GFPT2: variants seen among roughly 807,000 people sequenced by gnomAD.
The protein encoded by GFPT2 is glutamine--fructose-6-phosphate transaminase 2, also known as glutamine--fructose-6-phosphate aminotransferase [isomerizing] 2.
In GFPT2, 62 loss-of-function variants were observed where a neutral mutation model predicts 85.6. The observed-to-expected ratio is 0.72, with a 90% CI of 0.59 to 0.90. The LOEUF is 0.90. Among genes scored for constraint, GFPT2 ranks in the 40% least tolerant of loss-of-function variants. GFPT2 has a pLI of 0.00. For missense variants in GFPT2, 788 were observed against 893.4 expected, an observed-to-expected ratio of 0.88 and a Z score of 1.50; for synonymous variants, 368 against 344.5, an observed-to-expected ratio of 1.07 and a Z score of -0.75.
intron 12 of GFPT2, 120 bp downstream of exon 12, chr5:180,316,644 T>A: frequency 1.0e-5 from 9 of 902,124 alleles, no homozygotes; most frequent in Non-Finnish European, 1.4e-5. Context: ...TCACGCTAGC[T>A]CATGGGAATG....
chr5:180,304,913 G>A lies in GFPT2; in HGVS notation c.1701C>T (p.His567=). ...GCTCCCCAGCCAGGATGCCTTCTGA[G>A]TGCATGTAGGTTATCTCTTTAATTT... ...ALKIKEITYM[H]SEGILAGELK... The change falls in exon 17 of 19, where the codon CAC becomes CAT. Residue 567 remains histidine (H), a synonymous_variant. Coordinates refer to ENST00000253778, the MANE Select transcript of GFPT2 (RefSeq NM_005110.4). 5 of 1,612,076 alleles carry A rather than the reference G, an allele frequency of 3.1e-6. No homozygotes were observed. The highest frequency in any genetic ancestry group is 1.3e-5 in the African/African-American group (1 of 75,018).
At chr5:180,353,028 G>A (rs1764747707) in intron 1 of GFPT2, 183 bp downstream of exon 1, 1 of 422,486 alleles carries the variant, frequency 2.4e-6, no homozygotes, top group African/African-American at 2.1e-5. Context: ...ACGGCCACTC[G>A]GGGAACGCGG....
chr5:180,304,792 G>T lies in GFPT2; in HGVS notation c.1822C>A (p.Gln608Lys), dbSNP rs969567349. The T allele has an allele frequency of 1.2e-6, 2 of 1,613,514 alleles. No homozygotes were observed. The highest frequency in any genetic ancestry group is 1.7e-6 in the Non-Finnish European group (2 of 1,179,784). Residue 608 changes from glutamine to lysine, a missense_variant, in exon 17 of 19, where the codon CAG (glutamine) becomes AAG (lysine). By Grantham distance (53) the Gln-to-Lys change is moderately conservative. Transcript: ENST00000253778. ...PCFAKCQNAL[Q>K]QVTARQGRPI... ...CTCACCTGGCGGGCCGTGACTTGCT[G>T]CAGGGCGTTCTGGCATTTGGCGAAG...
intron 14 of GFPT2, among the ~76,000 whole-genome samples, chr5:180,313,366 C>G (rs113096165): frequency 1.1e-3 from 167 of 150,538 alleles, no homozygotes; most frequent in South Asian, 4.4e-3. Context: ...CCGAGGCGGG[C>G]GGATCACGAG....
chr5:180,338,612 G>GA lies in GFPT2; in HGVS notation c.8-13dup, dbSNP rs747961933. The GA allele has an allele frequency of 6.9e-6, 10 of 1,459,458 alleles. No homozygotes were observed. The highest frequency in any genetic ancestry group is 9.6e-6 in the Non-Finnish European group (10 of 1,044,742). 90.4% of individuals were successfully genotyped at this position (1,459,458 alleles called of 1,614,324 possible). A position where few individuals can be genotyped will look rare whatever the true frequency, so the allele number is the denominator to read the frequency against. ...GTAGGCAAAGATTCCTGTTCAAAGAGAAAAAAATGGTGCATTCATAAAATA... is the reference window on the plus strand; with the variant it reads ...GTAGGCAAAGATTCCTGTTCAAAGAGAAAAAAAATGGTGCATTCATAAAATA... On this transcript the variant is annotated splice_polypyrimidine_tract_variant and intron_variant, in intron 1 of 18. Transcript: ENST00000253778.
At chr5:180,337,743 C>T (rs972932465) in intron 2 of GFPT2, among the ~76,000 whole-genome samples, 4 of 152,016 alleles carry the variant, frequency 2.6e-5, no homozygotes, top group Non-Finnish European at 5.9e-5. Flanking sequence ...GGCACGTGTG[C>T]CCCCATGAAA....
intron 15 of GFPT2, 108 bp from the exon 16 acceptor site, chr5:180,307,411 T>G (rs1763803798): frequency 9.6e-7 from 1 of 1,045,170 alleles, no homozygotes. Context: ...ACCGCATCAC[T>G]TAGCACACTT....
chr5:180,302,581 G>A lies in GFPT2; in HGVS notation c.1846C>T (p.Arg616Cys), dbSNP rs750327820. The change falls in exon 18 of 19, where the codon CGC becomes TGC. Residue 616 changes from arginine (R) to cysteine (C), a missense_variant. Arg to Cys is a radical substitution (Grantham distance 180, BLOSUM62 -3). Transcript: ENST00000253778. ...TCCTTGGAGCACAGTATAATGGGGC[G>A]ACCCTAGAGCAGAGAAATAGCATCA... ...ALQQVTARQG[R>C]PIILCSKDDT... 3.7e-6 allele frequency: 6 copies of A among 1,611,532 alleles called. No individual in the cohort carries two copies. The highest frequency in any genetic ancestry group is 2.7e-5 in the African/African-American group (2 of 74,864).
intron 2 of GFPT2, among the ~76,000 whole-genome samples, chr5:180,337,764 C>T (rs985530625): frequency 1.3e-5 from 2 of 152,106 alleles, no homozygotes; most frequent in South Asian, 2.1e-4. Flanking sequence ...CCACCACTGC[C>T]GTCTATGCCA....
chr5:180,319,032 A>G, intron 9 of GFPT2, 76 bp from the exon 10 acceptor site: 1 of 1,415,226 alleles, frequency 7.1e-7, no homozygotes. Context: ...GCTGGTTCCC[A>G]AGCGTGGAGG....
intron 1 of GFPT2, among the ~76,000 whole-genome samples, chr5:180,344,409 G>C (rs149147445): frequency 2.4e-4 from 37 of 152,262 alleles, no homozygotes; most frequent in Admixed American, 2.3e-3. Context: ...GTGGTGATGA[G>C]TACATCACCA....
chr5:180,308,873 C>CT (rs35259770), intron 15 of GFPT2, among the ~76,000 whole-genome samples: 25,989 of 143,860 alleles, frequency 0.18, 2,501 homozygotes, highest in East Asian at 0.39. Context: ...TCAGAGAAGA[C>CT]TTTTTTTTTT....
At chr5:180,307,919 T>C (rs1183876881) in intron 15 of GFPT2, among the ~76,000 whole-genome samples, 66 of 152,188 alleles carry the variant, frequency 4.3e-4, no homozygotes, top group Admixed American at 4.3e-3. Flanking sequence ...GAGACCATCC[T>C]GGCTAACATG....
intron 15 of GFPT2, among the ~76,000 whole-genome samples, 171 bp from the exon 16 acceptor site, chr5:180,307,474 TG>T (rs1763804623): frequency 6.6e-6 from 1 of 152,256 alleles, no homozygotes; most frequent in Non-Finnish European, 1.5e-5. Context: ...CTTGGGCTCC[TG>T]GCCAGGATTC....
intron 13 of GFPT2, 106 bp downstream of exon 13, chr5:180,316,235 C>T (rs1561875193): frequency 7.0e-6 from 8 of 1,136,802 alleles, no homozygotes; most frequent in African/African-American, 1.5e-5. Flanking sequence ...AGAGAGGGTT[C>T]GCAGCACAGG....
chr5:180,309,996 G>A (rs2127647483), intron 15 of GFPT2, among the ~76,000 whole-genome samples: 1 of 151,364 alleles, frequency 6.6e-6, no homozygotes, highest in African/African-American at 2.4e-5. Context: ...ATTTTTAGTA[G>A]AGACGGGGTT....
At chr5:180,322,639 T>C (rs559130375) in intron 9 of GFPT2, among the ~76,000 whole-genome samples, 27 of 152,326 alleles carry the variant, frequency 1.8e-4, no homozygotes, top group African/African-American at 5.8e-4. Context: ...GCTAGTACTA[T>C]CAGTTCTAAC....
At chr5:180,343,095 A>C (rs1315194203) in intron 1 of GFPT2, among the ~76,000 whole-genome samples, 1 of 152,106 alleles carries the variant, frequency 6.6e-6, no homozygotes, top group African/African-American at 2.4e-5. Context: ...CTAGAATTAT[A>C]CTTGTACCAC....
rs1489012391 is a variant in GFPT2 at position 180,330,332 on chromosome 5, A to C, written c.534+368T>G. Among the ~76,000 whole-genome samples, 2 of 152,004 alleles carry C rather than the reference A, an allele frequency of 1.3e-5. No individual in the cohort carries two copies. Among genetic ancestry groups the C allele is most frequent in the Non-Finnish European group, 2.9e-5 (2 of 67,998 alleles). On this transcript the variant is annotated intron_variant, in intron 6 of 18. Transcript: ENST00000253778. This position sits in a 1 kb window ranked among gnomAD's most constrained non-coding sequence, Gnocchi z 4.4. The stretch of plus-strand genomic sequence containing the variant: ...GTGAGACTCTGTCTCAAAAAAGAAA[A>C]ACCTAGAAACACATCCTCGCTTGGT...
Sources: gnomAD v4.1 joint callset for allele counts (sites outside exome capture counted in the v4.1 genomes callset) on GRCh38, gnomAD v4.1.1 for gene constraint, Gnocchi (gnomAD v3.1) non-coding constraint, MANE v1.5 for transcripts, NCBI Gene and HGNC (gene_info 2026-07-23, HGNC 2026-07-21) for gene names.